GLYATL2: variants seen among roughly 807,000 people sequenced by gnomAD.
GLYATL2 encodes the protein glycine-N-acyltransferase like 2, also known as glycine N-acyltransferase-like protein 2.
In GLYATL2, 25 loss-of-function variants were observed where a neutral mutation model predicts 21.4. The observed-to-expected ratio is 1.17, with a 90% CI of 0.85 to 1.63. The LOEUF (loss-of-function observed/expected upper bound fraction) is 1.63. Ranked by LOEUF, GLYATL2 falls within the 40% of genes most tolerant of loss-of-function variation. GLYATL2 has a pLI of 0.00. For synonymous variants in GLYATL2, 114 were observed against 118.2 expected (o/e 0.96, Z 0.23); for missense variants, 361 against 343.3 (o/e 1.05, Z -0.41).
chr11:58,844,059 C>A (rs1273236927), intron 1 of GLYATL2, among the ~76,000 whole-genome samples: 1 of 152,082 alleles, frequency 6.6e-6, no homozygotes, highest in African/African-American at 2.4e-5. Flanking sequence ...TGCAAATAAA[C>A]CACTAATACT....
At chr11:58,856,972 T>C (rs1007028813) in intron 1 of GLYATL2, among the ~76,000 whole-genome samples, 9 of 152,212 alleles carry the variant, frequency 5.9e-5, no homozygotes, top group African/African-American at 2.2e-4. Context: ...ACCTGTGAAG[T>C]ACAATAAAGT....
At chr11:58,853,267 T>G (rs1453069420) in intron 1 of GLYATL2, among the ~76,000 whole-genome samples, 1 of 152,228 alleles carries the variant, frequency 6.6e-6, no homozygotes, top group Non-Finnish European at 1.5e-5. Flanking sequence ...GTGAACTGCA[T>G]GGGTCCACTT....
At chr11:58,898,781 C>G (rs549428000) in intron 1 of GLYATL2, among the ~76,000 whole-genome samples, 5 of 151,834 alleles carry the variant, frequency 3.3e-5, no homozygotes, top group Admixed American at 1.3e-4. Flanking sequence ...TGCAGTGAGC[C>G]GAGATCGCGC....
At chr11:58,909,058 C>G (rs560484963), upstream of GLYATL2, among the ~76,000 whole-genome samples, 11 of 152,060 alleles carry the variant, frequency 7.2e-5, no homozygotes, top group African/African-American at 2.2e-4. Context: ...CTATTTTGTT[C>G]AAAATATGGA....
At chr11:58,885,872 T>C (rs521781) in intron 1 of GLYATL2, among the ~76,000 whole-genome samples, 134,750 of 152,136 alleles carry the variant, frequency 0.89, 60,879 homozygotes, top group Non-Finnish European at 0.98. Context: ...TCTGAGATAT[T>C]AGAACAGTGG....
At chr11:58,883,587 C>T (rs968615375) in intron 1 of GLYATL2, among the ~76,000 whole-genome samples, 7 of 152,114 alleles carry the variant, frequency 4.6e-5, no homozygotes, top group Admixed American at 3.3e-4. Flanking sequence ...AGCCTACCAA[C>T]CAAAAAATGT....
At chr11:58,887,404 G>GA (rs1037286436) in intron 1 of GLYATL2, among the ~76,000 whole-genome samples, 4 of 151,962 alleles carry the variant, frequency 2.6e-5, no homozygotes, top group African/African-American at 7.3e-5. Context: ...AATTTATATA[G>GA]AAAAAAAGTA....
upstream of GLYATL2, among the ~76,000 whole-genome samples, chr11:58,846,284 T>A (rs543988233): frequency 6.6e-6 from 1 of 152,216 alleles, no homozygotes; most frequent in African/African-American, 2.4e-5. Context: ...AGTGGCAGAA[T>A]AGAAGGCTCC....
upstream of GLYATL2, among the ~76,000 whole-genome samples, chr11:58,846,258 G>A (rs573845852): frequency 6.6e-5 from 10 of 151,986 alleles, no homozygotes; most frequent in Non-Finnish European, 1.3e-4. Context: ...TTATAATGGG[G>A]AGGAGAAGCA....
chr11:58,895,534 C>T (rs944240944), intron 1 of GLYATL2, among the ~76,000 whole-genome samples: 12 of 152,190 alleles, frequency 7.9e-5, no homozygotes, highest in Admixed American at 1.3e-4. Context: ...TGGCTGCAAT[C>T]TCAGAGTGCT....
intron 1 of GLYATL2, among the ~76,000 whole-genome samples, chr11:58,882,578 T>C (rs980295240): frequency 3.3e-5 from 5 of 152,220 alleles, no homozygotes; most frequent in Non-Finnish European, 7.3e-5. Context: ...AGAAGCTCTT[T>C]AGTTTAATAA....
intron 1 of GLYATL2, among the ~76,000 whole-genome samples, chr11:58,880,380 G>A (rs995192044): frequency 1.3e-5 from 2 of 152,184 alleles, no homozygotes; most frequent in African/African-American, 4.8e-5. Flanking sequence ...GGAATGGATA[G>A]GAGAGGTATT....
chr11:58,897,135 A>T (rs1238350227), intron 1 of GLYATL2, among the ~76,000 whole-genome samples: 1 of 152,238 alleles, frequency 6.6e-6, no homozygotes, highest in Non-Finnish European at 1.5e-5. Flanking sequence ...ACTTGGGAGA[A>T]TGGACAGCAC....
At position 58,901,294 on chromosome 11, in the gene GLYATL2, C is replaced by A. The variant is rs140912222; in HGVS notation, n.60+2862G>T. ...CAGGATCTCTACCGATGGAGCTCAG[C>A]GATATGTGTTTTGACCAGCTCACAA... On this transcript the variant is annotated intron_variant and non_coding_transcript_variant, in intron 1 of 4. Coordinates refer to the GLYATL2 transcript ENST00000533636. Among the ~76,000 whole-genome samples, 945 of 152,262 alleles carry A rather than the reference C, an allele frequency of 6.2e-3. 3 individuals carry two copies. The highest frequency in any genetic ancestry group is 1.0e-2 in the Non-Finnish European group (677 of 68,024).
rs79489476 is a variant in GLYATL2, at chr11:58,856,563, T to C, written n.61-18195A>G. ...TTAAAATGAAAGACTCATGACTCTT[T>C]CCTTCACTTGAATACTTACAGATCA... is the stretch of plus-strand genomic sequence containing the variant. On this transcript the variant is annotated intron_variant and non_coding_transcript_variant, in intron 1 of 4. Coordinates refer to the GLYATL2 transcript ENST00000533636. Among the ~76,000 whole-genome samples the C allele has an allele frequency of 5.1e-3, 777 of 152,132 alleles. 5 individuals are homozygous for C. Among genetic ancestry groups the C allele is most frequent in the African/African-American group, 0.018 (741 of 41,468 alleles).
intron 1 of GLYATL2, among the ~76,000 whole-genome samples, chr11:58,863,024 T>C (rs573973695): frequency 1.6e-4 from 24 of 152,246 alleles, no homozygotes; most frequent in Non-Finnish European, 2.6e-4. Flanking sequence ...AACTTGTTGC[T>C]GAAGTCTTCA....
intron 1 of GLYATL2, among the ~76,000 whole-genome samples, chr11:58,887,500 A>G (rs555550936): frequency 2.0e-5 from 3 of 152,286 alleles, no homozygotes; most frequent in African/African-American, 7.2e-5. Flanking sequence ...TAAGAAGTTA[A>G]TAACTTCTCT....
At chr11:58,882,112 A>G (rs972495073) in intron 1 of GLYATL2, among the ~76,000 whole-genome samples, 1 of 152,172 alleles carries the variant, frequency 6.6e-6, no homozygotes, top group African/African-American at 2.4e-5. Context: ...GGGATCGCTG[A>G]GTCAAATGGT....
At chr11:58,905,248 T>G (rs1269372153), upstream of GLYATL2, 3 of 356,192 alleles carry the variant, frequency 8.4e-6, no homozygotes, top group Non-Finnish European at 1.7e-5. Context: ...CTCCACGAAG[T>G]TGGATCATTT....
Sources: allele counts gnomAD v4.1 joint callset (sites outside exome capture counted in the v4.1 genomes callset), GRCh38; gene constraint gnomAD v4.1.1; transcripts MANE v1.5; gene names NCBI Gene and HGNC (gene_info 2026-07-23, HGNC 2026-07-21).